TRIM66: variants seen among roughly 807,000 people sequenced by gnomAD.
TRIM66 encodes the protein tripartite motif-containing protein 66.
A neutral mutation model predicts 148.2 loss-of-function variants in TRIM66; 99 were observed. That is an observed-to-expected ratio of 0.67 (90% CI 0.57 to 0.79). TRIM66 has a LOEUF of 0.79. Ranked by LOEUF, TRIM66 falls within the 30% of genes least tolerant of loss-of-function variation. The probability of loss-of-function intolerance (pLI) is 0.00; values close to 1 mark genes in which losing one functional copy is unlikely to be tolerated. For missense variants in TRIM66, 1,666 were observed against 1,697.9 expected (o/e 0.98, Z 0.33); for synonymous variants, 616 against 635.9 (o/e 0.97, Z 0.47).
intron 23 of TRIM66, 98 bp from the exon 24 acceptor site, chr11:8,619,066 G>A (rs2141802777): frequency 9.4e-7 from 1 of 1,064,334 alleles, no homozygotes; most frequent in Non-Finnish European, 1.4e-6. Flanking sequence ...GCCTAGCGGG[G>A]TGTCCTGAGG....
chr11:8,675,910 T>C (rs2039155971), intron 3 of TRIM66, among the ~76,000 whole-genome samples: 1 of 152,148 alleles, frequency 6.6e-6, no homozygotes, highest in Non-Finnish European at 1.5e-5. Flanking sequence ...AGCTAATTTT[T>C]GTATTTTTAG....
intron 12 of TRIM66, among the ~76,000 whole-genome samples, chr11:8,644,929 G>T (rs1324550529): frequency 1.3e-5 from 2 of 152,078 alleles, no homozygotes; most frequent in Admixed American, 6.6e-5. Context: ...CTTAAAATTG[G>T]AAACTGTTCA....
intron 15 of TRIM66, among the ~76,000 whole-genome samples, chr11:8,628,635 A>AG (rs1276570494): frequency 1.3e-3 from 185 of 137,804 alleles, no homozygotes; most frequent in Admixed American, 1.9e-3. Flanking sequence ...AAAAAAAAAA[A>AG]AAGAGAGAGA....
In TRIM66 at chr11:8,640,726, T is replaced by C. The variant is rs2036307274; in HGVS notation, c.1649A>G (p.Gln550Arg). ...QESTSQRLGQ[Q>R]LTSQPVCIVP... ...AATGCACACGGGCTGGGAAGTCAGC[T>C]GCTGCCCCAGCCGCTGGGATGTGCT... is the stretch of plus-strand genomic sequence containing the variant. Residue 550 changes from glutamine to arginine, a missense_variant, in exon 14 of 25, where the codon CAG becomes CGG. Physicochemically the swap from Gln to Arg is conservative, Grantham distance 43 (BLOSUM62 1). This residue lies in a region of TRIM66 where 1,431 missense variants were observed against 1,412.4 expected (regional missense o/e 1.01). Coordinates refer to ENST00000646038, the MANE Select transcript of TRIM66 (RefSeq NM_001388022.1). 1 of 1,551,556 alleles carries C rather than the reference T, an allele frequency of 6.4e-7. No individual in the cohort carries two copies. The highest frequency in any genetic ancestry group is 8.7e-7 in the Non-Finnish European group (1 of 1,146,980).
At chr11:8,636,956 C>T (rs562634505) in intron 15 of TRIM66, among the ~76,000 whole-genome samples, 6 of 152,166 alleles carry the variant, frequency 3.9e-5, no homozygotes, top group African/African-American at 1.4e-4. Flanking sequence ...TGAAGCCCCC[C>T]TAACTGCCCC....
At position 8,648,037 on chromosome 11, in the gene TRIM66, C is replaced by A. The variant is rs781045393; in HGVS notation, c.775G>T (p.Gly259Cys). ...TTATGTGCCACCTGTGTAGTCACACCTTCCAGAAGCATCCTCTGGTTTTGC... is the reference window on the plus strand; with the variant it reads ...TTATGTGCCACCTGTGTAGTCACACATTCCAGAAGCATCCTCTGGTTTTGC... ...VLQNQRMLLE[G>C]VTTQVAHKKS... is the part of the protein sequence containing the mutation. Residue 259 changes from glycine (G) to cysteine (C), a missense_variant, in exon 10 of 25, where the codon GGT becomes TGT. Around this residue, in one of 3 missense-constraint regions of TRIM66, gnomAD observed 1,431 missense variants for 1,412.4 expected, o/e 1.01. Transcript: ENST00000646038. The A allele has an allele frequency of 3.2e-6, 5 of 1,551,736 alleles. No homozygotes were observed. The highest frequency in any genetic ancestry group is 4.4e-6 in the Non-Finnish European group (5 of 1,147,008).
chr11:8,676,130 GAACATCAAAAAGAAATCTAAA>G (rs1472554330), intron 3 of TRIM66, among the ~76,000 whole-genome samples: 1 of 152,054 alleles, frequency 6.6e-6, no homozygotes, highest in Non-Finnish European at 1.5e-5. Flanking sequence ...TCTTCACACA[GAACATCAAAAAGAAATCTAAA>G]AAAGTACTTA....
At chr11:8,658,692 G>T in intron 6 of TRIM66, 2 of 840,060 alleles carry the variant, frequency 2.4e-6, no homozygotes, top group Non-Finnish European at 2.9e-6. Flanking sequence ...CACTCTGTCA[G>T]CCCCACACTG....
intron 10 of TRIM66, among the ~76,000 whole-genome samples, chr11:8,647,118 T>C (rs886366064): frequency 2.0e-5 from 3 of 150,400 alleles, no homozygotes; most frequent in South Asian, 2.1e-4. Flanking sequence ...TATAAACATA[T>C]AATAATGTTT....
chr11:8,622,016 C>T (rs1565475994), intron 18 of TRIM66, among the ~76,000 whole-genome samples, 197 bp from the exon 19 acceptor site: 1 of 151,868 alleles, frequency 6.6e-6, no homozygotes, highest in South Asian at 2.1e-4. Flanking sequence ...CAGTGGGCTG[C>T]GAAAGGCAGG....
At position 8,672,405 on chromosome 11, in the gene TRIM66, A is replaced by G; in HGVS notation, c.-111-20T>C. On this transcript the variant is annotated intron_variant, in intron 4 of 24. Coordinates refer to ENST00000646038, the MANE Select transcript of TRIM66 (RefSeq NM_001388022.1). The stretch of plus-strand genomic sequence containing the variant: ...CTTGACCTAAGTTTCAATTTTGGAA[A>G]AAGGAAGAAAATTGCATTATTGACA... 1 of 1,488,124 alleles carries G rather than the reference A, an allele frequency of 6.7e-7. No individual in the cohort carries two copies. Among genetic ancestry groups the G allele is most frequent in the South Asian group, 1.3e-5 (1 of 75,950 alleles). The allele number at this position is 1,488,124 out of a possible 1,614,324, so 92.2% of individuals were successfully genotyped here. A position where few individuals can be genotyped will look rare whatever the true frequency, so the allele number is the denominator to read the frequency against.
At chr11:8,672,571 A>ATCT in intron 4 of TRIM66, among the ~76,000 whole-genome samples, 186 bp from the exon 5 acceptor site, 1 of 151,996 alleles carries the variant, frequency 6.6e-6, no homozygotes, top group Admixed American at 6.5e-5. Context: ...CAAATGGCAG[A>ATCT]GTCCAAATTC....
intron 1 of TRIM66, among the ~76,000 whole-genome samples, chr11:8,681,134 A>ATTT (rs72232543): frequency 4.2e-5 from 6 of 141,504 alleles, no homozygotes; most frequent in Non-Finnish European, 7.7e-5. Context: ...GAATTTTGGA[A>ATTT]TTTTTTTTTT....
rs1376828278 is a variant in TRIM66 at position 8,624,870 on chromosome 11, T to A, written c.2669A>T (p.Gln890Leu). 6.4e-7 allele frequency: 1 copy of A among 1,551,606 alleles called. No individual in the cohort carries two copies. Among genetic ancestry groups the A allele is most frequent in the Non-Finnish European group, 8.7e-7 (1 of 1,146,996 alleles). ...AGPSLMSGHT[Q>L]AVPSLATCPL... ...ACAAGTTGCCAGACTCGGCACAGCC[T>A]GGGTGTGACCAGACATTAGGCTGGG... Residue 890 changes from glutamine (Q) to leucine (L), a missense_variant, in exon 16 of 25, where the codon CAG becomes CTG. By Grantham distance (113) the Gln-to-Leu change is moderately radical. Transcript: ENST00000646038.
Position 8,668,364 on chromosome 11 carries a change from G to A in TRIM66, c.340+3422C>T, listed in dbSNP as rs114520191. On this transcript the variant is annotated intron_variant, in intron 6 of 24. Coordinates refer to ENST00000646038, the MANE Select transcript of TRIM66 (RefSeq NM_001388022.1). ...TTTTTCATGGCTTAAAACATCAGAA[G>A]TTTATTACTTTCAATGATTCCATGG... Among the ~76,000 whole-genome samples the A allele has an allele frequency of 8.9e-3, 1,350 of 151,642 alleles. 20 individuals are homozygous for A. Among genetic ancestry groups the A allele is most frequent in the African/African-American group, 0.031 (1,268 of 41,312 alleles).
intron 17 of TRIM66, among the ~76,000 whole-genome samples, chr11:8,623,816 T>C (rs951407105): frequency 6.6e-6 from 1 of 152,198 alleles, no homozygotes; most frequent in African/African-American, 2.4e-5. Flanking sequence ...TCCACATTAG[T>C]GTCAGGTACC....
At chr11:8,647,018 T>C (rs2036911118) in intron 10 of TRIM66, among the ~76,000 whole-genome samples, 2 of 149,768 alleles carry the variant, frequency 1.3e-5, no homozygotes, top group African/African-American at 2.4e-5. Flanking sequence ...ATTGGCATAA[T>C]AACATATTAT....
Position 8,645,758 on chromosome 11 carries a change from G to C in TRIM66, c.1087C>G (p.Leu363Val), listed in dbSNP as rs1490913558. The change falls in exon 12 of 25, where the codon CTT (leucine) becomes GTT (valine). Residue 363 changes from leucine (L) to valine (V), a missense_variant. Physicochemically the swap from Leu to Val is conservative, Grantham distance 32. This residue lies in a region of TRIM66 where 1,431 missense variants were observed against 1,412.4 expected (regional missense o/e 1.01). Transcript: ENST00000646038. ...CCTCTTACCAGCTCTTTGCTGAAAA[G>C]AAAAGGGACACTGGTTTTGCTGCAG... is the stretch of plus-strand genomic sequence containing the variant. Reference protein sequence around the residue: ...AVCSKTSVPFLFSKELIVFQM... With the variant: ...AVCSKTSVPFVFSKELIVFQM... 6.4e-7 allele frequency: 1 copy of C among 1,551,596 alleles called. No homozygotes were observed. Among genetic ancestry groups the C allele is most frequent in the African/African-American group, 1.4e-5 (1 of 73,052 alleles).
At chr11:8,664,166 T>C (rs1401814158) in intron 6 of TRIM66, among the ~76,000 whole-genome samples, 1 of 152,234 alleles carries the variant, frequency 6.6e-6, no homozygotes, top group Non-Finnish European at 1.5e-5. Flanking sequence ...ATGTGAGGTG[T>C]TGTATATGTT....
Sources: allele counts gnomAD v4.1 joint callset (sites outside exome capture counted in the v4.1 genomes callset), GRCh38; gene constraint gnomAD v4.1.1; regional missense constraint gnomAD v4.1.1; transcripts MANE v1.5; gene names NCBI Gene and HGNC (gene_info 2026-07-23, HGNC 2026-07-21).